Variants in PPP1R42 observed in about 807,000 individuals in gnomAD.
The protein encoded by PPP1R42 is leucine rich repeat containing 67.
In PPP1R42, 34 loss-of-function variants were observed where a neutral mutation model predicts 31.0. The observed-to-expected ratio is 1.10, with a 90% CI of 0.83 to 1.46. PPP1R42 has a LOEUF of 1.46. PPP1R42 is among the 40% of genes most tolerant of loss of function. The probability of loss-of-function intolerance (pLI) is 0.00; values close to 1 mark genes in which losing one functional copy is unlikely to be tolerated. For synonymous variants in PPP1R42, 103 were observed against 109.8 expected, an observed-to-expected ratio of 0.94 and a Z score of 0.39; for missense variants, 268 against 303.0, an observed-to-expected ratio of 0.88 and a Z score of 0.86.
At position 67,010,724 on chromosome 8, in the gene PPP1R42, C is replaced by T; in HGVS notation, c.543G>A (p.Leu181=). The change falls in exon 5 of 8, where the codon CTG becomes CTA. Residue 181 remains leucine, a synonymous_variant. Transcript: ENST00000685739. ...TTTCTCTTTACACTACCTTCACATG[C>T]AGAAGTTGGTTGTCAACGGCTATGA... ...NQLIAVDNQL[L]HVKDLEFLLN... is the part of the protein sequence containing the mutation. 6.3e-7 allele frequency: 1 copy of T among 1,583,424 alleles called. No individual in the cohort carries two copies. The highest frequency in any genetic ancestry group is 8.6e-7 in the Non-Finnish European group (1 of 1,160,430).
chr8:67,014,544 TATC>T lies in PPP1R42; in HGVS notation c.175_177del (p.Asp59del). The T allele has an allele frequency of 3.2e-6, 5 of 1,551,878 alleles. No homozygotes were observed. The highest frequency in any genetic ancestry group is 4.4e-6 in the Non-Finnish European group (5 of 1,135,846). ...AGGTTAGTGATTTGACTAATACAAT[TATC>T]ATATAAATATAAAACACTAAGATTT... On this transcript the variant is annotated inframe_deletion, in exon 3 of 8. Coordinates refer to ENST00000685739, the MANE Select transcript of PPP1R42 (RefSeq NM_001364910.1).
chr8:66,979,255 C>A (rs995631619), intron 7 of PPP1R42, among the ~76,000 whole-genome samples: 37 of 152,276 alleles, frequency 2.4e-4, no homozygotes, highest in African/African-American at 8.2e-4. Context: ...GGTCTAGTTT[C>A]ATTCTTCTGC....
chr8:66,990,868 T>C (rs1815169441), intron 5 of PPP1R42, among the ~76,000 whole-genome samples: 1 of 152,206 alleles, frequency 6.6e-6, no homozygotes, highest in South Asian at 2.1e-4. Context: ...TAAATTTATC[T>C]TTGGGTCACT....
At chr8:66,984,525 G>T in intron 6 of PPP1R42, 1 of 1,262,794 alleles carries the variant, frequency 7.9e-7, no homozygotes, top group East Asian at 2.3e-5. Context: ...TCTTGGCTGG[G>T]GTGCTAAATT....
chr8:66,984,801 T>G lies in PPP1R42; in HGVS notation c.671-2621A>C, dbSNP rs1585645259. On this transcript the variant is annotated intron_variant, in intron 6 of 7. Transcript: ENST00000685739. ...CTCGCATCAAATTAGAAATTCTCAC[T>G]TTGGGTTCTGGAGGAGGCATCAGGC... 5.0e-6 allele frequency: 8 copies of G among 1,607,924 alleles called. No individual in the cohort carries two copies. The East Asian group carries it at 1.8e-4, about 36-fold the overall frequency.
chr8:66,998,192 G>A (rs1216260916), intron 5 of PPP1R42, among the ~76,000 whole-genome samples: 5 of 152,064 alleles, frequency 3.3e-5, no homozygotes, highest in Non-Finnish European at 7.4e-5. Flanking sequence ...ACACGAAAAT[G>A]GTATCTCTCT....
At chr8:66,967,471 T>TTA (rs1446642115) in intron 7 of PPP1R42, among the ~76,000 whole-genome samples, 1 of 152,208 alleles carries the variant, frequency 6.6e-6, no homozygotes, top group Non-Finnish European at 1.5e-5. Flanking sequence ...GCAAGTGAGT[T>TTA]TATATAACAT....
intron 5 of PPP1R42, among the ~76,000 whole-genome samples, chr8:66,988,905 T>C (rs537646255): frequency 2.0e-5 from 3 of 152,170 alleles, no homozygotes; most frequent in East Asian, 3.9e-4. Flanking sequence ...GTAAGGAATG[T>C]GTGTTGTTGC....
intron 7 of PPP1R42, among the ~76,000 whole-genome samples, chr8:66,971,316 AAACC>A (rs1814532857): frequency 6.6e-6 from 1 of 152,244 alleles, no homozygotes; most frequent in South Asian, 2.1e-4. Flanking sequence ...TCATATACAA[AAACC>A]TATACAGGAA....
At position 66,979,468 on chromosome 8, in the gene PPP1R42, C is replaced by T. The variant is rs144928028; in HGVS notation, c.802+2581G>A. On this transcript the variant is annotated intron_variant, in intron 7 of 7. Transcript: ENST00000685739. ...GGAGGATCATTTGAGCCTGGGAGATCGAGGCTGTAGTGAGCTGTGATCCAA... is the reference window on the plus strand; with the variant it reads ...GGAGGATCATTTGAGCCTGGGAGATTGAGGCTGTAGTGAGCTGTGATCCAA... 2.6e-5 allele frequency among the ~76,000 whole-genome samples: 4 copies of T among 152,262 alleles called. No homozygotes were observed. The East Asian group carries it at 7.7e-4, about 29-fold the overall frequency.
chr8:67,012,218 A>G (rs1815863161), intron 4 of PPP1R42, among the ~76,000 whole-genome samples: 1 of 152,218 alleles, frequency 6.6e-6, no homozygotes. Context: ...CTTGGGCGAC[A>G]GGGTTTTTTT....
chr8:66,979,155 T>TA (rs1268896044), intron 7 of PPP1R42, among the ~76,000 whole-genome samples: 1 of 152,218 alleles, frequency 6.6e-6, no homozygotes, highest in Non-Finnish European at 1.5e-5. Flanking sequence ...GCATTTCCTC[T>TA]GTTTTCTTCT....
chr8:67,017,765 A>G lies in PPP1R42; in HGVS notation c.-18T>C. 6.4e-7 allele frequency: 1 copy of G among 1,564,054 alleles called. No homozygotes were observed. The highest frequency in any genetic ancestry group is 8.6e-7 in the Non-Finnish European group (1 of 1,159,102). ...CGAACCATAATTTCTTTATAAATCA[A>G]ACTCTCAGCAAAAGCTCTGTTTTGA... On this transcript the variant is annotated 5_prime_UTR_variant, in exon 2 of 8. Coordinates refer to ENST00000685739, the MANE Select transcript of PPP1R42 (RefSeq NM_001364910.1).
chr8:66,978,531 G>C (rs1029826228), intron 7 of PPP1R42, among the ~76,000 whole-genome samples: 13 of 152,046 alleles, frequency 8.6e-5, no homozygotes, highest in Admixed American at 8.5e-4. Flanking sequence ...AGCGATTCTC[G>C]TGCCTCAGCC....
intron 1 of PPP1R42, among the ~76,000 whole-genome samples, chr8:67,019,529 C>T (rs1398693730): frequency 6.6e-6 from 1 of 151,784 alleles, no homozygotes; most frequent in African/African-American, 2.4e-5. Flanking sequence ...TGAGCCATCG[C>T]GCCCGGCCTT....
intron 5 of PPP1R42, among the ~76,000 whole-genome samples, chr8:66,989,495 C>T (rs1815128518): frequency 1.3e-5 from 2 of 152,112 alleles, no homozygotes; most frequent in Non-Finnish European, 2.9e-5. Context: ...TTATAAGTGG[C>T]CAAAGTTCTG....
At chr8:67,025,285 T>C (rs1369495787) in intron 1 of PPP1R42, among the ~76,000 whole-genome samples, 1 of 151,900 alleles carries the variant, frequency 6.6e-6, no homozygotes, top group African/African-American at 2.4e-5. Context: ...GGTTTTTCTT[T>C]TCTTTTTTTA....
intron 5 of PPP1R42, among the ~76,000 whole-genome samples, chr8:67,002,081 AAT>A (rs1815506667): frequency 6.6e-6 from 1 of 152,196 alleles, no homozygotes; most frequent in Admixed American, 6.5e-5. Context: ...TAGCATTTTA[AAT>A]ATGTTTCATG....
intron 7 of PPP1R42, among the ~76,000 whole-genome samples, chr8:66,981,042 G>A (rs777988240): frequency 2.0e-5 from 3 of 152,100 alleles, no homozygotes; most frequent in South Asian, 2.1e-4. Context: ...GGGTTTCACC[G>A]TGTTGACCAG....
Sources: gnomAD v4.1 joint callset for allele counts (sites outside exome capture counted in the v4.1 genomes callset) on GRCh38, gnomAD v4.1.1 for gene constraint, MANE v1.5 for transcripts, NCBI Gene and HGNC (gene_info 2026-07-23, HGNC 2026-07-21) for gene names.